The following GRID2 variants were observed in gnomAD, a reference collection of about 807,000 sequenced individuals.
GRID2 encodes glutamate receptor ionotropic, delta-2.
In GRID2, 33 loss-of-function variants were observed where a neutral mutation model predicts 114.8. The ratio of observed to expected loss-of-function variants is 0.29; its 90% CI spans 0.22 to 0.38. The LOEUF is 0.38. Ranked by LOEUF, GRID2 falls within the 10% of genes least tolerant of loss-of-function variation. The pLI, the probability that GRID2 is intolerant of heterozygous loss-of-function variation, is 1.00. For missense variants in GRID2, 1,184 were observed against 1,257.7 expected (o/e 0.94, Z 0.89); for synonymous variants, 505 against 449.9 (o/e 1.12, Z -1.55).
chr4:92,308,596 G>A (rs548164025), intron 1 of GRID2, among the ~76,000 whole-genome samples: 5 of 152,122 alleles, frequency 3.3e-5, no homozygotes, highest in South Asian at 4.1e-4. Flanking sequence ...GTACAAAATC[G>A]GGTAAATAAA....
At chr4:93,604,342 T>C (rs1739987089) in intron 13 of GRID2, among the ~76,000 whole-genome samples, 1 of 152,194 alleles carries the variant, frequency 6.6e-6, no homozygotes, top group Admixed American at 6.5e-5. Context: ...TAACTGTAAT[T>C]AGACATGGAG....
rs182588279 is a variant in GRID2 at position 93,053,439 on chromosome 4, G to A, written c.245-31556G>A. Among the ~76,000 whole-genome samples the A allele has an allele frequency of 3.0e-4, 45 of 152,006 alleles. 2 individuals carry two copies. The highest frequency in any genetic ancestry group is 1.9e-3 in the Admixed American group (29 of 15,218). Reference sequence around the variant, plus strand: ...TTCTCGTGTGCACATGTTGGTGTTCGTAGGCTGTGGTCACCAACAGTTCTG... The same window carrying A: ...TTCTCGTGTGCACATGTTGGTGTTCATAGGCTGTGGTCACCAACAGTTCTG... On this transcript the variant is annotated intron_variant, in intron 2 of 15. Transcript: ENST00000282020.
At chr4:92,352,170 T>C (rs1038834837) in intron 1 of GRID2, among the ~76,000 whole-genome samples, 3 of 151,880 alleles carry the variant, frequency 2.0e-5, no homozygotes, top group African/African-American at 7.2e-5. Flanking sequence ...TTTTTTGTCT[T>C]TTGATAATAG....
At chr4:92,999,217 C>T (rs1165061258) in intron 2 of GRID2, among the ~76,000 whole-genome samples, 1 of 151,970 alleles carries the variant, frequency 6.6e-6, no homozygotes, top group East Asian at 1.9e-4. Context: ...TTCTTGTGTA[C>T]TTTTCTATGC....
chr4:92,662,562 C>T (rs932678604), intron 2 of GRID2, among the ~76,000 whole-genome samples: 4 of 150,750 alleles, frequency 2.7e-5, no homozygotes, highest in Non-Finnish European at 5.9e-5. Flanking sequence ...CTTCTCCAGA[C>T]ACTACTTTGC....
intron 1 of GRID2, among the ~76,000 whole-genome samples, chr4:93,795,656 G>T (rs979551265): frequency 6.6e-6 from 1 of 151,950 alleles, no homozygotes; most frequent in Admixed American, 6.6e-5. Context: ...TTGTAAACAG[G>T]TGAGCAAGTA....
At chr4:92,656,477 A>C (rs999030979) in intron 2 of GRID2, among the ~76,000 whole-genome samples, 1 of 151,702 alleles carries the variant, frequency 6.6e-6, no homozygotes, top group Non-Finnish European at 1.5e-5. Context: ...AAAATTAAAA[A>C]AAAAAACACT....
At chr4:93,775,974 G>T (rs1476338335), downstream of GRID2, among the ~76,000 whole-genome samples, 1 of 152,122 alleles carries the variant, frequency 6.6e-6, no homozygotes, top group Non-Finnish European at 1.5e-5. Context: ...CATTTACCCT[G>T]CATGATACTT....
In GRID2 at chr4:93,101,008, A is replaced by G. The variant is rs530551635; in HGVS notation, c.530-9740A>G. ...AGTCTGTGGTATCATCAGATGGTAT[A>G]GATAATATACTCCATGAGGGCAAGA... On this transcript the variant is annotated intron_variant, in intron 3 of 15. Transcript: ENST00000282020. Among the ~76,000 whole-genome samples, 17 of 152,150 alleles carry G rather than the reference A, an allele frequency of 1.1e-4. No homozygotes were observed. In the South Asian group the frequency reaches 3.3e-3, roughly 30 times the overall value.
rs1366746020 is a variant in GRID2, at chr4:92,600,076, A to G, written c.244+9790A>G. The stretch of plus-strand genomic sequence containing the variant: ...TATATATATATATATATATATATAT[A>G]TATATATATATATTTCTCAGAATGT... On this transcript the variant is annotated intron_variant, in intron 2 of 15. Transcript: ENST00000282020. Among the ~76,000 whole-genome samples, 8 of 134,606 alleles carry G rather than the reference A, an allele frequency of 5.9e-5. 1 individual carries two copies. Among genetic ancestry groups the G allele is most frequent in the African/African-American group, 8.6e-5 (3 of 34,766 alleles). The allele number at this position is 134,606 out of a possible 152,430, so 88.3% of individuals were successfully genotyped here.
At chr4:92,525,147 C>T (rs1053288107) in intron 1 of GRID2, among the ~76,000 whole-genome samples, 1 of 151,660 alleles carries the variant, frequency 6.6e-6, no homozygotes, top group Admixed American at 6.6e-5. Context: ...AATCAAAGAA[C>T]TGGTGGAACC....
At chr4:92,501,951 T>C (rs1723705374) in intron 1 of GRID2, among the ~76,000 whole-genome samples, 1 of 152,162 alleles carries the variant, frequency 6.6e-6, no homozygotes, top group African/African-American at 2.4e-5. Flanking sequence ...ATGAATTAAA[T>C]TTTTAAACTT....
chr4:93,199,420 A>G (rs1049615681), intron 4 of GRID2, among the ~76,000 whole-genome samples: 3 of 152,208 alleles, frequency 2.0e-5, no homozygotes, highest in African/African-American at 4.8e-5. Context: ...TAAGAAGCAG[A>G]GCAGGTAGCA....
In GRID2 at chr4:92,752,974, C is replaced by T. The variant is rs528306461; in HGVS notation, c.244+162688C>T. 9.9e-5 allele frequency among the ~76,000 whole-genome samples: 15 copies of T among 152,176 alleles called. No homozygotes were observed. The East Asian group carries it at 2.7e-3, about 27-fold the overall frequency. ...ATACATTTTAAAATTGTATTTTAAT[C>T]TTTATGGTAATCAACATAGGAGAAG... On this transcript the variant is annotated intron_variant, in intron 2 of 15. Coordinates refer to ENST00000282020, the MANE Select transcript of GRID2 (RefSeq NM_001510.4).
chr4:93,737,557 T>C lies in GRID2; in HGVS notation c.2361-31653T>C, dbSNP rs1179080608. Among the ~76,000 whole-genome samples the C allele has an allele frequency of 4.6e-5, 7 of 152,146 alleles. No individual in the cohort carries two copies. In the East Asian group the frequency reaches 1.4e-3, roughly 29 times the overall value. The stretch of plus-strand genomic sequence containing the variant: ...ATAGACAACATAGCAAGACCCTGTC[T>C]CTATAAAAAATTAAAAAATAAAATA... On this transcript the variant is annotated intron_variant, in intron 14 of 15. Coordinates refer to ENST00000282020, the MANE Select transcript of GRID2 (RefSeq NM_001510.4).
chr4:93,660,017 AT>A (rs141034755), intron 14 of GRID2, among the ~76,000 whole-genome samples: 6 of 150,376 alleles, frequency 4.0e-5, no homozygotes, highest in Non-Finnish European at 5.9e-5. Flanking sequence ...ACTATTCGTG[AT>A]TTTTTTTTTC....
rs574184318 is a variant in GRID2, at chr4:93,786,194, C to T, written c.221+16744C>T. Among the ~76,000 whole-genome samples, 10 of 152,256 alleles carry T rather than the reference C, an allele frequency of 6.6e-5. 1 individual carries two copies. The South Asian group carries it at 2.1e-3, about 32-fold the overall frequency. ...CATGAGAACCAGCAACAGATAGATC[C>T]TCAGGCCCCGGGTGAGAACAGTGTT... On this transcript the variant is annotated intron_variant, in intron 1 of 1. Coordinates refer to the GRID2 transcript ENST00000637838.
intron 12 of GRID2, among the ~76,000 whole-genome samples, chr4:93,499,629 A>G (rs967147815): frequency 2.0e-5 from 3 of 151,818 alleles, no homozygotes; most frequent in South Asian, 2.1e-4. Flanking sequence ...ATTAGCCATT[A>G]CTACACATGT....
intron 12 of GRID2, among the ~76,000 whole-genome samples, chr4:93,506,251 C>T (rs554164194): frequency 1.3e-5 from 2 of 152,184 alleles, no homozygotes; most frequent in African/African-American, 2.4e-5. Context: ...ATACTTTCGT[C>T]GGGACAGAGT....
Sources: allele counts gnomAD v4.1 joint callset (sites outside exome capture counted in the v4.1 genomes callset), GRCh38; gene constraint gnomAD v4.1.1; transcripts MANE v1.5; gene names NCBI Gene and HGNC (gene_info 2026-07-23, HGNC 2026-07-21).